The following ABCB1 variants were observed in gnomAD, a reference collection of about 807,000 sequenced individuals.
ABCB1 encodes ATP-dependent translocase ABCB1.
ABCB1 carries 69 observed loss-of-function variants against 142.0 expected under a neutral mutation model. The ratio of observed to expected loss-of-function variants is 0.49; its 90% CI spans 0.40 to 0.59. The LOEUF is 0.59. Ranked by LOEUF, ABCB1 falls within the 20% of genes least tolerant of loss-of-function variation. The pLI is 0.00. For missense variants in ABCB1, 1,326 were observed against 1,554.7 expected (o/e 0.85, Z 2.47); for synonymous variants, 532 against 539.2 (o/e 0.99, Z 0.18).
At chr7:87,694,772 G>A (rs1211746828) in intron 1 of ABCB1, among the ~76,000 whole-genome samples, 4 of 152,014 alleles carry the variant, frequency 2.6e-5, no homozygotes, top group East Asian at 3.9e-4. Context: ...AAAACAAAAC[G>A]TTTGTTCTCC....
Position 87,626,362 on chromosome 7 carries a change from A to G in ABCB1, c.-330-25284T>C, listed in dbSNP as rs1166022395. On this transcript the variant is annotated intron_variant, in intron 1 of 28. Transcript: ENST00000265724. ...TATATGTGTCATATATATGTGTCAT[A>G]TATATGTGTCATATGTATGTGTCAT... 3.6e-3 allele frequency among the ~76,000 whole-genome samples: 99 copies of G among 27,350 alleles called. 11 individuals are homozygous for G. Among genetic ancestry groups the G allele is most frequent in the East Asian group, 0.015 (1 of 66 alleles). The allele number at this position is 27,350 out of a possible 152,430, so 17.9% of individuals were successfully genotyped here.
chr7:87,645,131 G>A (rs895762817), intron 1 of ABCB1, among the ~76,000 whole-genome samples: 11 of 148,090 alleles, frequency 7.4e-5, no homozygotes, highest in Admixed American at 2.0e-4. Flanking sequence ...TGCTCAGGCC[G>A]GAGTGCAGTG....
intron 19 of ABCB1, among the ~76,000 whole-genome samples, chr7:87,538,671 C>T (rs1177536859): frequency 1.3e-5 from 2 of 152,146 alleles, no homozygotes; most frequent in Non-Finnish European, 2.9e-5. Context: ...AGTTACATTC[C>T]TCTAATTTCC....
chr7:87,599,015 C>T (rs1409835533), intron 2 of ABCB1, among the ~76,000 whole-genome samples: 1 of 152,124 alleles, frequency 6.6e-6, no homozygotes, highest in Non-Finnish European at 1.5e-5. Context: ...TGAAAATGAA[C>T]TATTAAAAGA....
At chr7:87,562,813 G>T (rs1304333931) in intron 7 of ABCB1, among the ~76,000 whole-genome samples, 2 of 149,988 alleles carry the variant, frequency 1.3e-5, no homozygotes, top group African/African-American at 4.9e-5. Context: ...TCAAGGATAT[G>T]AAAAGGCCAG....
At chr7:87,531,565 GAAAAC>G in intron 20 of ABCB1, 68 bp from the exon 21 acceptor site, 1 of 1,440,570 alleles carries the variant, frequency 6.9e-7, no homozygotes, top group Non-Finnish European at 9.6e-7. Flanking sequence ...TCTATTTTCT[GAAAAC>G]TCACCTTCAT....
chr7:87,628,587 G>C (rs1467147587), intron 1 of ABCB1: 8 of 12,200 alleles, frequency 6.6e-4, no homozygotes, highest in Non-Finnish European at 1.2e-3. Flanking sequence ...GTGCGTGCGT[G>C]TGTGTGTGTG....
At chr7:87,675,653 C>CAAAAAAAA (rs200136132) in intron 1 of ABCB1, among the ~76,000 whole-genome samples, 2 of 65,838 alleles carry the variant, frequency 3.0e-5, no homozygotes, top group South Asian at 5.3e-4. Context: ...TATTCACATG[C>CAAAAAAAA]AAAAAAAAAA....
chr7:87,654,839 G>A (rs1353183905), intron 1 of ABCB1, among the ~76,000 whole-genome samples: 2 of 151,850 alleles, frequency 1.3e-5, no homozygotes. Flanking sequence ...AATATATGAG[G>A]AACTCAATAG....
At chr7:87,606,669 T>C (rs747283870) in intron 1 of ABCB1, among the ~76,000 whole-genome samples, 10 of 152,236 alleles carry the variant, frequency 6.6e-5, no homozygotes, top group Non-Finnish European at 1.3e-4. Context: ...TAGCATAATA[T>C]TCACTATATC....
At chr7:87,604,624 T>C (rs1019641384), upstream of ABCB1, among the ~76,000 whole-genome samples, 2 of 152,044 alleles carry the variant, frequency 1.3e-5, no homozygotes, top group African/African-American at 4.8e-5. Context: ...ACACCTGCAT[T>C]GAAAAAAAAA....
At chr7:87,691,129 G>A (rs1241574578) in intron 1 of ABCB1, among the ~76,000 whole-genome samples, 1 of 152,058 alleles carries the variant, frequency 6.6e-6, no homozygotes, top group East Asian at 1.9e-4. Flanking sequence ...TCATGAATTA[G>A]AAACATATTC....
At chr7:87,671,098 C>G (rs946641044) in intron 1 of ABCB1, among the ~76,000 whole-genome samples, 1 of 152,144 alleles carries the variant, frequency 6.6e-6, no homozygotes, top group Non-Finnish European at 1.5e-5. Flanking sequence ...AGCAGCCCCT[C>G]AGGGCAATCA....
intron 3 of ABCB1, among the ~76,000 whole-genome samples, chr7:87,587,298 A>G (rs1365802042): frequency 6.6e-6 from 1 of 152,202 alleles, no homozygotes; most frequent in Non-Finnish European, 1.5e-5. Context: ...AGGACATTTT[A>G]CCTCCAGAAC....
At chr7:87,673,585 G>A (rs1429050097) in intron 1 of ABCB1, among the ~76,000 whole-genome samples, 2 of 152,100 alleles carry the variant, frequency 1.3e-5, no homozygotes, top group Non-Finnish European at 2.9e-5. Flanking sequence ...TCTTAAAATG[G>A]CCCTTCGATA....
chr7:87,630,468 G>A (rs1821102654), intron 1 of ABCB1, among the ~76,000 whole-genome samples: 1 of 152,140 alleles, frequency 6.6e-6, no homozygotes, highest in Non-Finnish European at 1.5e-5. Flanking sequence ...AGGCTGTTAG[G>A]TGTTTTAAAA....
chr7:87,577,578 G>A (rs922942505), intron 4 of ABCB1, among the ~76,000 whole-genome samples: 2 of 152,152 alleles, frequency 1.3e-5, no homozygotes, highest in Admixed American at 1.3e-4. Flanking sequence ...CCACATCCTC[G>A]CCAGCATTTG....
chr7:87,620,049 G>A (rs769963529), intron 1 of ABCB1, among the ~76,000 whole-genome samples: 1 of 152,082 alleles, frequency 6.6e-6, no homozygotes, highest in African/African-American at 2.4e-5. Flanking sequence ...ATGAGAAAAA[G>A]TCTCATTTAG....
chr7:87,624,202 T>C (rs1157248505), intron 1 of ABCB1, among the ~76,000 whole-genome samples: 1 of 152,226 alleles, frequency 6.6e-6, no homozygotes, highest in African/African-American at 2.4e-5. Flanking sequence ...TTCACACACA[T>C]GTGAGACGTG....
Sources: allele counts gnomAD v4.1 joint callset (sites outside exome capture counted in the v4.1 genomes callset), GRCh38; gene constraint gnomAD v4.1.1; transcripts MANE v1.5; gene names NCBI Gene and HGNC (gene_info 2026-07-23, HGNC 2026-07-21).